Variants in HMGN3 observed in about 807,000 individuals in gnomAD.
The protein encoded by HMGN3 is high mobility group nucleosomal binding domain 3.
A neutral mutation model predicts 18.8 loss-of-function variants in HMGN3; 6 were observed. That is an observed-to-expected ratio of 0.32 (90% CI 0.18 to 0.63). The LOEUF (loss-of-function observed/expected upper bound fraction) is 0.63, where lower values mean the gene tolerates loss of function less well. Ranked by LOEUF, HMGN3 falls within the 30% of genes least tolerant of loss-of-function variation. HMGN3 has a pLI of 0.79. For missense variants in HMGN3, 107 were observed against 114.2 expected, an observed-to-expected ratio of 0.94 and a Z score of 0.29; for synonymous variants, 40 against 36.5, an observed-to-expected ratio of 1.10 and a Z score of -0.35.
At chr6:79,228,418 A>G (rs1382781569) in intron 1 of HMGN3, among the ~76,000 whole-genome samples, 1 of 152,206 alleles carries the variant, frequency 6.6e-6, no homozygotes, top group Admixed American at 6.5e-5. Context: ...TTCCATATCA[A>G]TATTTAACTC....
chr6:79,208,706 C>G (rs1455004752), intron 2 of HMGN3, 130 bp from the exon 3 acceptor site: 5 of 778,774 alleles, frequency 6.4e-6, no homozygotes, highest in Admixed American at 1.9e-5. Context: ...ATCACCTTCT[C>G]CAGGTAAGCA....
At chr6:79,202,419 G>A in intron 4 of HMGN3, 30 bp from the exon 5 acceptor site, 1 of 1,538,982 alleles carries the variant, frequency 6.5e-7, no homozygotes, top group Non-Finnish European at 9.0e-7. Flanking sequence ...CAGTGAAAGA[G>A]AATGTTAGAC....
At chr6:79,204,397 C>T (rs1446109499) in intron 3 of HMGN3, among the ~76,000 whole-genome samples, 2 of 152,214 alleles carry the variant, frequency 1.3e-5, no homozygotes, top group East Asian at 1.9e-4. Flanking sequence ...ACCTGCACAC[C>T]GTGTGACCAT....
intron 1 of HMGN3, among the ~76,000 whole-genome samples, chr6:79,219,282 T>C (rs1383170886): frequency 3.3e-5 from 5 of 152,156 alleles, no homozygotes; most frequent in African/African-American, 1.2e-4. Context: ...AATACAAATG[T>C]ATGAAAATAT....
rs770928949 is a variant in HMGN3, at chr6:79,234,596, G to A, written c.-36C>T. On this transcript the variant is annotated 5_prime_UTR_variant, in exon 1 of 6. Transcript: ENST00000344726. The stretch of plus-strand genomic sequence containing the variant: ...TCGGTGAAGCAAAAAGTAAAGCAAC[G>A]GACTGGAACTGCTGGCGCCGCCGCT... 40 of 1,608,594 alleles carry A rather than the reference G, an allele frequency of 2.5e-5. No individual in the cohort carries two copies. The East Asian group carries it at 2.7e-4, about 11-fold the overall frequency.
At chr6:79,231,984 A>T (rs998811674) in intron 1 of HMGN3, among the ~76,000 whole-genome samples, 18 of 152,142 alleles carry the variant, frequency 1.2e-4, no homozygotes, top group African/African-American at 4.3e-4. Flanking sequence ...TATCTGTACC[A>T]CTTCTTGCTC....
chr6:79,203,820 C>T (rs1446523339), intron 3 of HMGN3, among the ~76,000 whole-genome samples, 190 bp from the exon 4 acceptor site: 2 of 152,186 alleles, frequency 1.3e-5, no homozygotes, highest in African/African-American at 4.8e-5. Flanking sequence ...CTATTTTCAC[C>T]CTGGGTTCAC....
intron 2 of HMGN3, among the ~76,000 whole-genome samples, chr6:79,213,812 T>C (rs948126892): frequency 7.2e-5 from 11 of 152,234 alleles, no homozygotes; most frequent in Admixed American, 3.3e-4. Flanking sequence ...CTCTGAATTA[T>C]TAACCACATT....
intron 3 of HMGN3, among the ~76,000 whole-genome samples, chr6:79,208,050 A>G (rs1280530300): frequency 6.6e-6 from 1 of 152,180 alleles, no homozygotes; most frequent in Admixed American, 6.5e-5. Context: ...TAACCCCACA[A>G]GAATCTCCTG....
intron 1 of HMGN3, among the ~76,000 whole-genome samples, chr6:79,215,640 T>TC (rs1168816654): frequency 6.6e-6 from 1 of 152,198 alleles, no homozygotes; most frequent in East Asian, 1.9e-4. Flanking sequence ...TTTTGATCCA[T>TC]CCCCTGGGGC....
chr6:79,202,430 A>G, intron 4 of HMGN3, 41 bp from the exon 5 acceptor site: 1 of 1,482,966 alleles, frequency 6.7e-7, no homozygotes, highest in Non-Finnish European at 9.4e-7. Context: ...AATGTTAGAC[A>G]CGGTGTGATG....
intron 3 of HMGN3, among the ~76,000 whole-genome samples, chr6:79,207,781 G>T (rs1004879350): frequency 1.3e-5 from 2 of 152,110 alleles, no homozygotes; most frequent in Non-Finnish European, 2.9e-5. Flanking sequence ...GTAGCATGAA[G>T]CTTCTGTAAT....
At chr6:79,217,847 C>T (rs558731057) in intron 1 of HMGN3, among the ~76,000 whole-genome samples, 1 of 152,236 alleles carries the variant, frequency 6.6e-6, no homozygotes, top group Admixed American at 6.5e-5. Context: ...AAACAAAAGG[C>T]TGGGGGTGGA....
In HMGN3 at chr6:79,217,698, C is replaced by T. The variant is rs764901006; in HGVS notation, c.16-2676G>A. On this transcript the variant is annotated intron_variant, in intron 1 of 5. Coordinates refer to ENST00000344726, the Ensembl canonical transcript of HMGN3. Reference sequence around the variant, plus strand: ...CCTACCATTATAAGCTGTCTTATCACATAACCCTCTCCATCAATTAACACT... The same window carrying T: ...CCTACCATTATAAGCTGTCTTATCATATAACCCTCTCCATCAATTAACACT... Among the ~76,000 whole-genome samples the T allele has an allele frequency of 5.8e-4, 88 of 152,286 alleles. 2 individuals are homozygous for T. Among genetic ancestry groups the T allele is most frequent in the South Asian group, 2.7e-3 (13 of 4,830 alleles).
chr6:79,201,954 C>G, intron 5 of HMGN3, 109 bp downstream of exon 6: 7 of 1,453,400 alleles, frequency 4.8e-6, no homozygotes, highest in African/African-American at 2.9e-5. Flanking sequence ...ACCACAGAAG[C>G]CTTACCTGCA....
In HMGN3 at chr6:79,215,036, A is replaced by G; in HGVS notation, c.16-14T>C. On this transcript the variant is annotated splice_polypyrimidine_tract_variant and intron_variant, in intron 1 of 5. Transcript: ENST00000344726. The stretch of plus-strand genomic sequence containing the variant: ...ATTCTCTGGAGACTAGAAAGAAAAT[A>G]TTTCAGTGAATTGTATTTAAATTGG... 1 of 1,409,560 alleles carries G rather than the reference A, an allele frequency of 7.1e-7. No individual in the cohort carries two copies. The highest frequency in any genetic ancestry group is 1.3e-5 in the South Asian group (1 of 79,846). The allele number at this position is 1,409,560 out of a possible 1,614,324, so 87.3% of individuals were successfully genotyped here.
At chr6:79,217,390 G>A (rs991559369) in intron 1 of HMGN3, among the ~76,000 whole-genome samples, 5 of 152,190 alleles carry the variant, frequency 3.3e-5, no homozygotes, top group African/African-American at 1.2e-4. Context: ...CTTGATCACG[G>A]TGGCTCAGTC....
At chr6:79,211,248 C>T (rs1369997133) in intron 2 of HMGN3, among the ~76,000 whole-genome samples, 1 of 152,056 alleles carries the variant, frequency 6.6e-6, no homozygotes, top group Non-Finnish European at 1.5e-5. Flanking sequence ...GTCAGCAGTA[C>T]TGATTATGCA....
At chr6:79,205,244 C>T (rs922633030) in intron 3 of HMGN3, among the ~76,000 whole-genome samples, 1 of 152,180 alleles carries the variant, frequency 6.6e-6, no homozygotes, top group African/African-American at 2.4e-5. Flanking sequence ...CTCTTAAGTC[C>T]TCCTAGTGAC....
Sources: gnomAD v4.1 joint callset for allele counts (sites outside exome capture counted in the v4.1 genomes callset) on GRCh38, gnomAD v4.1.1 for gene constraint, MANE v1.5 for transcripts, NCBI Gene and HGNC (gene_info 2026-07-23, HGNC 2026-07-21) for gene names.